The following PLEKHG7 variants were observed in gnomAD, a reference collection of about 807,000 sequenced individuals.
The protein encoded by PLEKHG7 is pleckstrin homology domain-containing family G member 7.
PLEKHG7 carries 77 observed loss-of-function variants against 85.2 expected under a neutral mutation model. That is an observed-to-expected ratio of 0.90 (90% CI 0.75 to 1.09). The LOEUF (loss-of-function observed/expected upper bound fraction) is 1.09, where lower values mean the gene tolerates loss of function less well. Ranked by LOEUF, PLEKHG7 falls within the 50% of genes least tolerant of loss-of-function variation. PLEKHG7 has a pLI of 0.00. For synonymous variants in PLEKHG7, 301 were observed against 302.4 expected, an observed-to-expected ratio of 1.00 and a Z score of 0.05; for missense variants, 777 against 804.3, an observed-to-expected ratio of 0.97 and a Z score of 0.41.
intron 3 of PLEKHG7, chr12:92,707,908 A>C (rs984228984): frequency 1.0e-5 from 6 of 598,740 alleles, no homozygotes; most frequent in Non-Finnish European, 1.7e-5. Flanking sequence ...CATAGTTTTC[A>C]TTTTGAATTG....
In PLEKHG7 at chr12:92,741,105, T is replaced by TG. The variant is rs201005290; in HGVS notation, c.1035+157_1035+158insG. On this transcript the variant is annotated intron_variant, in intron 8 of 16. Coordinates refer to ENST00000344636, the MANE Select transcript of PLEKHG7 (RefSeq NM_001377329.1). The stretch of plus-strand genomic sequence containing the variant: ...ATAAGAAAGAAGTTGAAATATCCAT[T>TG]ATGCCTTTCCCATAAATTGTAGATA... Among the ~76,000 whole-genome samples the TG allele has an allele frequency of 6.8e-3, 1,035 of 152,334 alleles. 23 individuals carry two copies. Among genetic ancestry groups the TG allele is most frequent in the African/African-American group, 0.024 (979 of 41,568 alleles).
At chr12:92,759,948 C>G (rs1407192002) in intron 13 of PLEKHG7, among the ~76,000 whole-genome samples, 2 of 152,174 alleles carry the variant, frequency 1.3e-5, no homozygotes, top group African/African-American at 4.8e-5. Flanking sequence ...CAACTCCACT[C>G]CATGAAGTCA....
At chr12:92,761,670 G>C (rs1873031834) in intron 13 of PLEKHG7, 82 bp from the exon 14 acceptor site, 3 of 1,278,762 alleles carry the variant, frequency 2.3e-6, no homozygotes, top group Middle Eastern at 2.0e-4. Context: ...AAGAAAGAAA[G>C]AAAGAAAGAA....
chr12:92,730,166 A>G (rs1221935543), intron 4 of PLEKHG7, among the ~76,000 whole-genome samples: 1 of 152,092 alleles, frequency 6.6e-6, no homozygotes, highest in African/African-American at 2.4e-5. Context: ...ATAGCTCTTT[A>G]TTTTTACAGA....
chr12:92,717,625 T>C (rs1461447911), intron 3 of PLEKHG7, among the ~76,000 whole-genome samples: 2 of 152,252 alleles, frequency 1.3e-5, no homozygotes, highest in Non-Finnish European at 2.9e-5. Context: ...ACCTAGTTTA[T>C]GTTTAGATAC....
chr12:92,742,818 A>G (rs940127035), intron 9 of PLEKHG7, among the ~76,000 whole-genome samples: 38 of 151,906 alleles, frequency 2.5e-4, no homozygotes, highest in African/African-American at 8.9e-4. Context: ...ATTCCCTCCC[A>G]AAGTGCTGGG....
intron 3 of PLEKHG7, among the ~76,000 whole-genome samples, chr12:92,721,112 A>G (rs1164177604): frequency 6.6e-6 from 1 of 152,240 alleles, no homozygotes; most frequent in East Asian, 1.9e-4. Context: ...TAATGCATGT[A>G]AAGCACGTAA....
chr12:92,772,079 T>A lies in PLEKHG7; in HGVS notation c.*1884T>A, dbSNP rs1873453565. Reference sequence around the variant, plus strand: ...CAGAACAAAAACCATTCTAGAACCGTGGCTCCCAGGAAGAAAAAATAGCAA... The same window carrying A: ...CAGAACAAAAACCATTCTAGAACCGAGGCTCCCAGGAAGAAAAAATAGCAA... On this transcript the variant is annotated 3_prime_UTR_variant, in exon 17 of 17. Coordinates refer to ENST00000344636, the MANE Select transcript of PLEKHG7 (RefSeq NM_001377329.1). 6.6e-6 allele frequency: 1 copy of A among 151,714 alleles called. No homozygotes were observed. The highest frequency in any genetic ancestry group is 1.5e-5 in the Non-Finnish European group (1 of 67,834). 9.4% of individuals were successfully genotyped at this position (151,714 alleles called of 1,614,324 possible). A position where few individuals can be genotyped will look rare whatever the true frequency, so the allele number is the denominator to read the frequency against.
At chr12:92,738,243 A>G (rs1565791731) in intron 7 of PLEKHG7, among the ~76,000 whole-genome samples, 1 of 152,124 alleles carries the variant, frequency 6.6e-6, no homozygotes. Flanking sequence ...AGAACACAGA[A>G]TTTTTTCTAG....
chr12:92,715,047 G>T (rs1195737794), intron 3 of PLEKHG7, among the ~76,000 whole-genome samples: 2 of 151,888 alleles, frequency 1.3e-5, no homozygotes, highest in African/African-American at 2.4e-5. Context: ...TAGATAGATA[G>T]ATAGATAGAT....
rs544250681 is a variant in PLEKHG7, at chr12:92,764,400, C to T, written c.1870+206C>T. ...GCTCTGTTACTTGCTAGCCGTATGA[C>T]CTTAGACAAGAGACTCTTCAGTTTT... On this transcript the variant is annotated intron_variant, in intron 15 of 16. Coordinates refer to ENST00000344636, the MANE Select transcript of PLEKHG7 (RefSeq NM_001377329.1). 5.9e-5 allele frequency among the ~76,000 whole-genome samples: 9 copies of T among 152,164 alleles called. No homozygotes were observed. The South Asian group carries it at 8.3e-4, about 14-fold the overall frequency.
chr12:92,703,226 T>A (rs1266530981), intron 1 of PLEKHG7, 94 bp downstream of exon 1: 2 of 152,266 alleles, frequency 1.3e-5, no homozygotes, highest in African/African-American at 4.8e-5. Context: ...TGCTGATCTC[T>A]CCAGGTCTCA....
intron 3 of PLEKHG7, among the ~76,000 whole-genome samples, chr12:92,715,821 C>A (rs1318578284): frequency 6.6e-6 from 1 of 151,768 alleles, no homozygotes; most frequent in Non-Finnish European, 1.5e-5. Context: ...TTGGAACACA[C>A]CAACGCCCAC....
intron 3 of PLEKHG7, among the ~76,000 whole-genome samples, chr12:92,713,376 G>T (rs942764192): frequency 6.6e-6 from 1 of 152,164 alleles, no homozygotes; most frequent in East Asian, 1.9e-4. Context: ...TAGGAACACT[G>T]TAATTAATTA....
intron 7 of PLEKHG7, among the ~76,000 whole-genome samples, chr12:92,739,098 C>T (rs182651797): frequency 2.9e-4 from 44 of 152,358 alleles, no homozygotes; most frequent in African/African-American, 9.9e-4. Context: ...CCCTGCCTTC[C>T]ATGGCATTAG....
chr12:92,758,188 T>C (rs1592687559), intron 13 of PLEKHG7, among the ~76,000 whole-genome samples: 1 of 152,188 alleles, frequency 6.6e-6, no homozygotes, highest in South Asian at 2.1e-4. Context: ...CCACCTGAAA[T>C]TATGTGAGGC....
At chr12:92,710,546 A>G (rs1171072562) in intron 3 of PLEKHG7, among the ~76,000 whole-genome samples, 1 of 152,172 alleles carries the variant, frequency 6.6e-6, no homozygotes, top group Non-Finnish European at 1.5e-5. Context: ...CCATATTCGG[A>G]GTAAGTATCT....
intron 3 of PLEKHG7, among the ~76,000 whole-genome samples, chr12:92,716,217 C>T (rs1172173341): frequency 6.6e-6 from 1 of 152,068 alleles, no homozygotes; most frequent in Admixed American, 6.5e-5. Context: ...TTGTCTCAGC[C>T]TCCCGAGTAG....
At chr12:92,744,336 G>A (rs919010397) in intron 9 of PLEKHG7, among the ~76,000 whole-genome samples, 1 of 152,168 alleles carries the variant, frequency 6.6e-6, no homozygotes, top group African/African-American at 2.4e-5. Flanking sequence ...TGAAGAGAGT[G>A]CCTTCCAGTA....
Sources: gnomAD v4.1 joint callset for allele counts (sites outside exome capture counted in the v4.1 genomes callset) on GRCh38, gnomAD v4.1.1 for gene constraint, MANE v1.5 for transcripts, NCBI Gene and HGNC (gene_info 2026-07-23, HGNC 2026-07-21) for gene names.